UNC5D: variants seen among roughly 807,000 people sequenced by gnomAD.
The protein encoded by UNC5D is netrin receptor UNC5D.
In UNC5D, 39 loss-of-function variants were observed where a neutral mutation model predicts 105.4. That is an observed-to-expected ratio of 0.37 (90% confidence interval 0.29 to 0.48). UNC5D has a LOEUF of 0.48. Among genes scored for constraint, UNC5D ranks in the 20% least tolerant of loss-of-function variants. The pLI, the probability that UNC5D is intolerant of heterozygous loss-of-function variation, is 0.98. For missense variants in UNC5D, 991 were observed against 1,202.4 expected (o/e 0.82, Z 2.60); for synonymous variants, 452 against 450.4 (o/e 1.00, Z -0.04).
chr8:35,655,917 G>A (rs943996056), intron 4 of UNC5D, among the ~76,000 whole-genome samples: 8 of 152,204 alleles, frequency 5.3e-5, no homozygotes, highest in African/African-American at 1.9e-4. Context: ...CCAAATGTTA[G>A]TCATGTACTT....
chr8:35,702,428 G>A (rs1320203098), intron 7 of UNC5D, among the ~76,000 whole-genome samples: 4 of 152,056 alleles, frequency 2.6e-5, no homozygotes, highest in Admixed American at 2.6e-4. Context: ...CTCCCCAGGT[G>A]ATTCTAATAT....
chr8:35,469,102 G>A (rs748447601), intron 1 of UNC5D, among the ~76,000 whole-genome samples: 4 of 152,166 alleles, frequency 2.6e-5, no homozygotes, highest in African/African-American at 4.8e-5. Flanking sequence ...ATAACAGGAG[G>A]CATCAACCTA....
intron 14 of UNC5D, 87 bp downstream of exon 14, chr8:35,759,556 T>C: frequency 6.8e-7 from 1 of 1,467,582 alleles, no homozygotes; most frequent in Non-Finnish European, 9.2e-7. Context: ...TGCTTGATTT[T>C]CCTCCTCCTT....
chr8:35,699,419 G>GGGATCTTGAACAATGCATA (rs1157416037), intron 7 of UNC5D, among the ~76,000 whole-genome samples: 14 of 152,126 alleles, frequency 9.2e-5, no homozygotes, highest in African/African-American at 3.4e-4. Context: ...TTAGCATGAT[G>GGGATCTTGAACAATGCATA]GGATCTTGAA....
intron 11 of UNC5D, among the ~76,000 whole-genome samples, chr8:35,741,775 AT>A (rs907555830): frequency 5.3e-5 from 8 of 151,586 alleles, no homozygotes; most frequent in Admixed American, 2.6e-4. Context: ...GTTGCTTTGG[AT>A]TTTTTTTTAA....
chr8:35,464,687 G>A (rs898541512), intron 1 of UNC5D, among the ~76,000 whole-genome samples: 2 of 151,932 alleles, frequency 1.3e-5, no homozygotes, highest in African/African-American at 2.4e-5. Context: ...ATTCTAACCT[G>A]CTTATTTTTA....
intron 1 of UNC5D, among the ~76,000 whole-genome samples, chr8:35,506,405 T>C (rs1294567854): frequency 6.6e-6 from 1 of 152,226 alleles, no homozygotes; most frequent in African/African-American, 2.4e-5. Flanking sequence ...AATGGAATTA[T>C]CCTGATTGGC....
chr8:35,478,690 A>T (rs1340110781), intron 1 of UNC5D, among the ~76,000 whole-genome samples: 1 of 151,046 alleles, frequency 6.6e-6, no homozygotes, highest in African/African-American at 2.5e-5. Context: ...ATGCTTTTCA[A>T]TATCAGTCTG....
chr8:35,278,465 AT>A (rs1437970305), intron 1 of UNC5D, among the ~76,000 whole-genome samples: 1 of 152,180 alleles, frequency 6.6e-6, no homozygotes, highest in African/African-American at 2.4e-5. Flanking sequence ...TATTAAAAAA[AT>A]AGTTGGTCAT....
chr8:35,555,895 A>G (rs963239594), intron 2 of UNC5D, among the ~76,000 whole-genome samples: 6 of 150,272 alleles, frequency 4.0e-5, no homozygotes, highest in African/African-American at 9.7e-5. Flanking sequence ...ACACACACAC[A>G]CACACACACA....
At chr8:35,487,380 G>A (rs1810890980) in intron 1 of UNC5D, among the ~76,000 whole-genome samples, 1 of 152,000 alleles carries the variant, frequency 6.6e-6, no homozygotes, top group Non-Finnish European at 1.5e-5. Context: ...CAATCAGTTG[G>A]AACAAAAACT....
intron 4 of UNC5D, among the ~76,000 whole-genome samples, chr8:35,677,690 A>G (rs1244026814): frequency 6.6e-6 from 1 of 152,088 alleles, no homozygotes; most frequent in Non-Finnish European, 1.5e-5. Flanking sequence ...TCCACAGTTA[A>G]GTGTCTACTA....
At chr8:35,456,213 T>G (rs1368335087) in intron 1 of UNC5D, among the ~76,000 whole-genome samples, 2 of 152,212 alleles carry the variant, frequency 1.3e-5, no homozygotes, top group African/African-American at 2.4e-5. Flanking sequence ...TCCTCTAATA[T>G]TTCCAATCCG....
chr8:35,502,380 A>G (rs894421626), intron 1 of UNC5D, among the ~76,000 whole-genome samples: 3 of 152,182 alleles, frequency 2.0e-5, no homozygotes, highest in African/African-American at 7.2e-5. Context: ...GGCAGGATCA[A>G]ATTTCAGGAC....
intron 16 of UNC5D, among the ~76,000 whole-genome samples, chr8:35,778,443 T>C (rs1238776707): frequency 6.6e-6 from 1 of 152,206 alleles, no homozygotes; most frequent in African/African-American, 2.4e-5. Flanking sequence ...CTCTTATGAG[T>C]CCAAATAATG....
Position 35,748,583 on chromosome 8 carries a change from C to G in UNC5D, c.1823C>G (p.Pro608Arg). ...LLSPEVTCGPPDMIVTTPFAL... is the reference protein window; with the variant it reads ...LLSPEVTCGPRDMIVTTPFAL... ...AGTCCTGAAGTCACCTGTGGTCCTC[C>G]AGACATGATCGTCACCACTCCCTTT... Residue 608 changes from proline to arginine, a missense_variant, in exon 12 of 17, where the codon CCA becomes CGA. Transcript: ENST00000404895. 1 of 1,614,084 alleles carries G rather than the reference C, an allele frequency of 6.2e-7. No individual in the cohort carries two copies. Among genetic ancestry groups the G allele is most frequent in the East Asian group, 2.2e-5 (1 of 44,872 alleles).
At chr8:35,328,594 AT>A (rs1299509301) in intron 1 of UNC5D, among the ~76,000 whole-genome samples, 1 of 152,158 alleles carries the variant, frequency 6.6e-6, no homozygotes, top group African/African-American at 2.4e-5. Flanking sequence ...CTCCTTTCTT[AT>A]AAACTTTTGT....
At chr8:35,743,512 G>A (rs1829862833) in intron 11 of UNC5D, among the ~76,000 whole-genome samples, 1 of 151,142 alleles carries the variant, frequency 6.6e-6, no homozygotes, top group Non-Finnish European at 1.5e-5. Flanking sequence ...TCCTGACCTC[G>A]AGTGATCCCC....
intron 1 of UNC5D, among the ~76,000 whole-genome samples, chr8:35,257,354 C>T (rs1011246308): frequency 2.6e-5 from 4 of 152,102 alleles, no homozygotes; most frequent in Admixed American, 1.3e-4. Flanking sequence ...TTTCCCCATT[C>T]GGTGCCTAAA....
Sources: allele counts gnomAD v4.1 joint callset (sites outside exome capture counted in the v4.1 genomes callset), GRCh38; gene constraint gnomAD v4.1.1; transcripts MANE v1.5; gene names NCBI Gene and HGNC (gene_info 2026-07-23, HGNC 2026-07-21).